AHNAK2: variants seen among roughly 807,000 people sequenced by gnomAD.
AHNAK2 encodes the protein AHNAK nucleoprotein 2.
A neutral mutation model predicts 30.7 loss-of-function variants in AHNAK2; 18 were observed. The ratio of observed to expected loss-of-function variants is 0.59; its 90% CI spans 0.41 to 0.87. AHNAK2 has a LOEUF of 0.87. Among genes scored for constraint, AHNAK2 ranks in the 40% least tolerant of loss-of-function variants. The pLI is 0.00. For synonymous variants in AHNAK2, 3,590 were observed against 3,073.8 expected, an observed-to-expected ratio of 1.17 and a Z score of -5.56; for missense variants, 8,604 against 7,373.0, an observed-to-expected ratio of 1.17 and a Z score of -6.11.
Position 104,951,746 on chromosome 14 carries a change from G to A in AHNAK2, c.3705C>T (p.His1235=), listed in dbSNP as rs370293295. ...GQVDVKLLEG[H]VPEGAGFKGH... ...CTTTGAAGCCGGCTCCCTCAGGCAC[G>A]TGGCCCTCCAGGAGCTTCACGTCCA... is the stretch of plus-strand genomic sequence containing the variant. The change falls in exon 7 of 7, where the codon CAC becomes CAT. Residue 1235 remains histidine (H), a synonymous_variant. Transcript: ENST00000333244. 182 of 1,235,202 alleles carry A rather than the reference G, an allele frequency of 1.5e-4. 39 individuals carry two copies. In the East Asian group the frequency reaches 1.5e-3, roughly 10 times the overall value. The allele number at this position is 1,235,202 out of a possible 1,614,324, so 76.5% of individuals were successfully genotyped here.
At position 104,942,082 on chromosome 14, in the gene AHNAK2, T is replaced by G. The variant is rs1898016304; in HGVS notation, c.13369A>C (p.Thr4457Pro). 4 of 1,608,406 alleles carry G rather than the reference T, an allele frequency of 2.5e-6. No homozygotes were observed. The highest frequency in any genetic ancestry group is 3.4e-6 in the Non-Finnish European group (4 of 1,177,688). Residue 4457 changes from threonine to proline, a missense_variant, in exon 7 of 7, where the codon ACT becomes CCT. Thr to Pro is a conservative substitution (Grantham distance 38, BLOSUM62 -1). Coordinates refer to ENST00000333244, the MANE Select transcript of AHNAK2 (RefSeq NM_138420.4). ...ATTTTGAACTTGCTGTCTTTGGCAG[T>G]CACGTCCTTGTCAGCCAGGGACAGG... ...GDLSLADKDVTAKDSKFKMPK... is the reference protein window; with the variant it reads ...GDLSLADKDVPAKDSKFKMPK...
At position 104,941,722 on chromosome 14, in the gene AHNAK2, C is replaced by A. The variant is rs1897994616; in HGVS notation, c.13729G>T (p.Gly4577Cys). 2 of 1,613,828 alleles carry A rather than the reference C, an allele frequency of 1.2e-6. No individual in the cohort carries two copies. The highest frequency in any genetic ancestry group is 1.7e-6 in the Non-Finnish European group (2 of 1,179,892). ...GGGGCCATCACCTCTGCCTTTGGGC[C>A]TTTCAGGTCCAGCTTGGGGCCCTTG... The part of the protein sequence containing the change: ...DVKGPKLDLK[G>C]PKAEVMAPDV... The change falls in exon 7 of 7, where the codon GGC (glycine) becomes TGC (cysteine). Residue 4577 changes from glycine to cysteine, a missense_variant. Gly to Cys is a radical substitution (Grantham distance 159, BLOSUM62 -3). Coordinates refer to ENST00000333244, the MANE Select transcript of AHNAK2 (RefSeq NM_138420.4).
chr14:104,971,327 C>A (rs946486073), intron 1 of AHNAK2, among the ~76,000 whole-genome samples: 19 of 152,122 alleles, frequency 1.2e-4, no homozygotes, highest in Non-Finnish European at 2.2e-4. Context: ...ATTGTCCAGG[C>A]TGATCTCATA....
chr14:104,950,453 T>G lies in AHNAK2; in HGVS notation c.4998A>C (p.Pro1666=), dbSNP rs143480617. 2.8e-4 allele frequency: 436 copies of G among 1,577,872 alleles called. 47 individuals are homozygous for G. The African/African-American group carries it at 4.3e-3, about 15-fold the overall frequency. ...TGCCTGGGGCCGACACCCCAAATGA[T>G]GGCATCTTGAACTTGGGCATTTTGA... The part of the protein sequence containing the change: ...SKFKMPKFKM[P]SFGVSAPGKS... The change falls in exon 7 of 7, where the codon CCA becomes CCC. Residue 1666 remains proline, a synonymous_variant. Transcript: ENST00000333244.
In AHNAK2 at chr14:104,946,891, C is replaced by G; in HGVS notation, c.8560G>C (p.Gly2854Arg). 1 of 1,612,576 alleles carries G rather than the reference C, an allele frequency of 6.2e-7. No homozygotes were observed. The highest frequency in any genetic ancestry group is 1.1e-5 in the South Asian group (1 of 91,030). The stretch of plus-strand genomic sequence containing the variant: ...CGGATGTCAGTGGTCTTAAGATCCC[C>G]TTGCATGGAGGGGAAGCTCCCGTCA... ...EADGSFPSMQ[G>R]DLKTTDIRIQ... Residue 2854 changes from glycine (G) to arginine (R), a missense_variant, in exon 7 of 7, where the codon GGG becomes CGG. By Grantham distance (125) the Gly-to-Arg change is moderately radical. Transcript: ENST00000333244.
chr14:104,942,525 C>G lies in AHNAK2; in HGVS notation c.12926G>C (p.Gly4309Ala). The part of the protein sequence containing the change: ...KMPKFKMPSF[G>A]VSAPGKSIEA... ...GATGGACTTGCCTGGGGCAGACACC[C>G]CGAACGACGGCATCTTGAACTTGGG... The change falls in exon 7 of 7, where the codon GGG becomes GCG. Residue 4309 changes from glycine (G) to alanine (A), a missense_variant. Coordinates refer to ENST00000333244, the MANE Select transcript of AHNAK2 (RefSeq NM_138420.4). The G allele has an allele frequency of 2.5e-6, 4 of 1,613,198 alleles. No homozygotes were observed. Among genetic ancestry groups the G allele is most frequent in the Non-Finnish European group, 3.4e-6 (4 of 1,179,592 alleles).
At chr14:104,968,881 G>A (rs1179524194) in intron 1 of AHNAK2, among the ~76,000 whole-genome samples, 1 of 152,180 alleles carries the variant, frequency 6.6e-6, no homozygotes, top group East Asian at 1.9e-4. Context: ...CCCATGGACA[G>A]CCCAGAGTGA....
At position 104,952,500 on chromosome 14, in the gene AHNAK2, A is replaced by G. The variant is rs764571528; in HGVS notation, c.2951T>C (p.Leu984Pro). ...AGTCACGTCCTTGTCGGCCAGGGAC[A>G]GGTCCCCCTCCAGCCACGCACCATC... ...KLDGAWLEGD[L>P]SLADKDVTAK... Residue 984 changes from leucine to proline, a missense_variant, in exon 7 of 7, where the codon CTG becomes CCG. By Grantham distance (98) the Leu-to-Pro change is moderately conservative (BLOSUM62 -3). Transcript: ENST00000333244. 7.4e-6 allele frequency: 12 copies of G among 1,612,598 alleles called. No individual in the cohort carries two copies. The highest frequency in any genetic ancestry group is 1.0e-5 in the Non-Finnish European group (12 of 1,179,636).
At position 104,942,093 on chromosome 14, in the gene AHNAK2, T is replaced by A. The variant is rs200957617; in HGVS notation, c.13358A>T (p.Asp4453Val). The A allele has an allele frequency of 2.2e-4, 358 of 1,613,022 alleles. 4 individuals carry two copies. In the African/African-American group the frequency reaches 3.4e-3, roughly 15 times the overall value. ...TRLEGDLSLA[D>V]KDVTAKDSKF... ...GCTGTCTTTGGCAGTCACGTCCTTG[T>A]CAGCCAGGGACAGGTCCCCCTCCAG... is the stretch of plus-strand genomic sequence containing the variant. The change falls in exon 7 of 7, where the codon GAC becomes GTC. Residue 4453 changes from aspartate (D) to valine (V), a missense_variant. Transcript: ENST00000333244.
chr14:104,974,446 A>G (rs949574020), intron 1 of AHNAK2, among the ~76,000 whole-genome samples: 3 of 152,102 alleles, frequency 2.0e-5, no homozygotes, highest in Admixed American at 6.5e-5. Context: ...TGGGTTGAAC[A>G]ACTTGCAGGT....
At chr14:104,967,207 C>T (rs1217210823) in intron 1 of AHNAK2, among the ~76,000 whole-genome samples, 2 of 152,230 alleles carry the variant, frequency 1.3e-5, no homozygotes, top group Non-Finnish European at 2.9e-5. Context: ...CCTCCGCAGC[C>T]TCCCCAGCCA....
rs776715599 is a variant in AHNAK2, at chr14:104,950,011, TGTC to T, written c.5437_5439del (p.Asp1813del). On this transcript the variant is annotated inframe_deletion, in exon 7 of 7. Transcript: ENST00000333244. ...TTGCTGTCTTTGGCAGTCACATCCT[TGTC>T]GGCCAGGGACAGGTCACCCTCCAGC... 10 of 1,587,092 alleles carry T rather than the reference TGTC, an allele frequency of 6.3e-6. 1 individual carries two copies. In the African/African-American group the frequency reaches 1.3e-4, roughly 20 times the overall value.
Position 104,945,402 on chromosome 14 carries a change from T to C in AHNAK2, c.10049A>G (p.Asp3350Gly), listed in dbSNP as rs1438672645. 1.9e-6 allele frequency: 3 copies of C among 1,612,522 alleles called. No homozygotes were observed. The highest frequency in any genetic ancestry group is 1.3e-5 in the African/African-American group (1 of 74,504). Residue 3350 changes from aspartate (D) to glycine (G), a missense_variant, in exon 7 of 7, where the codon GAC (aspartate) becomes GGC (glycine). Coordinates refer to ENST00000333244, the MANE Select transcript of AHNAK2 (RefSeq NM_138420.4). ...ADVSLPSMQG[D>G]LKTTDLSIQL... ...AATGCTGAGGTCAGTGGTCTTGAGGTCCCCCTGCATGGAGGGGAGGCTCAC... is the reference window on the plus strand; with the variant it reads ...AATGCTGAGGTCAGTGGTCTTGAGGCCCCCCTGCATGGAGGGGAGGCTCAC...
At position 104,946,315 on chromosome 14, in the gene AHNAK2, G is replaced by A. The variant is rs769835387; in HGVS notation, c.9136C>T (p.Leu3046Phe). Residue 3046 changes from leucine to phenylalanine, a missense_variant, in exon 7 of 7, where the codon CTC (leucine) becomes TTC (phenylalanine). Leu to Phe is a conservative substitution (Grantham distance 22, BLOSUM62 0). Coordinates refer to ENST00000333244, the MANE Select transcript of AHNAK2 (RefSeq NM_138420.4). ...CCCTCGGGAACGTGGCCCTCTGGGAGCTTCAGGTCCACCTGGCCAGCCTGG... is the reference window on the plus strand; with the variant it reads ...CCCTCGGGAACGTGGCCCTCTGGGAACTTCAGGTCCACCTGGCCAGCCTGG... ...EVQAGQVDLK[L>F]PEGHVPEGAG... 1 of 1,612,102 alleles carries A rather than the reference G, an allele frequency of 6.2e-7. No individual in the cohort carries two copies. The highest frequency in any genetic ancestry group is 1.1e-5 in the South Asian group (1 of 90,970).
Position 104,951,622 on chromosome 14 carries a change from C to A in AHNAK2, c.3829G>T (p.Gly1277Cys). The A allele has an allele frequency of 1.3e-5, 16 of 1,246,478 alleles. 7 individuals carry two copies. The highest frequency in any genetic ancestry group is 1.8e-5 in the Non-Finnish European group (16 of 880,566). The allele number at this position is 1,246,478 out of a possible 1,614,324, so 77.2% of individuals were successfully genotyped here. A position where few individuals can be genotyped will look rare whatever the true frequency, so the allele number is the denominator to read the frequency against. The change falls in exon 7 of 7, where the codon GGT (glycine) becomes TGT (cysteine). Residue 1277 changes from glycine (G) to cysteine (C), a missense_variant. Gly to Cys is a radical substitution (Grantham distance 159, BLOSUM62 -3). Transcript: ENST00000333244. ...TGGGCCGTCACCTCTGCCTTATGAC[C>A]TTTCAGGTCCAGCTTGGGGCCCCTG... ...EVRGPKLDLKGHKAEVTAHEV... is the reference protein window; with the variant it reads ...EVRGPKLDLKCHKAEVTAHEV...
In AHNAK2 at chr14:104,951,649, C is replaced by A. The variant is rs749743543; in HGVS notation, c.3802G>T (p.Val1268Phe). 2 of 1,245,630 alleles carry A rather than the reference C, an allele frequency of 1.6e-6. No individual in the cohort carries two copies. The highest frequency in any genetic ancestry group is 2.3e-5 in the East Asian group (1 of 44,372). The allele number at this position is 1,245,630 out of a possible 1,614,324, so 77.2% of individuals were successfully genotyped here. The change falls in exon 7 of 7, where the codon GTC becomes TTC. Residue 1268 changes from valine (V) to phenylalanine (F), a missense_variant. Val to Phe is a conservative substitution (Grantham distance 50). Coordinates refer to ENST00000333244, the MANE Select transcript of AHNAK2 (RefSeq NM_138420.4). ...TTCAGGTCCAGCTTGGGGCCCCTGACTTCCACCTGGGGGCCCTTGAGGTCC... is the reference window on the plus strand; with the variant it reads ...TTCAGGTCCAGCTTGGGGCCCCTGAATTCCACCTGGGGGCCCTTGAGGTCC... ...KVDLKGPQVEVRGPKLDLKGH... is the reference protein window; with the variant it reads ...KVDLKGPQVEFRGPKLDLKGH...
Position 104,942,607 on chromosome 14 carries a change from C to G in AHNAK2, c.12844G>C (p.Gly4282Arg). 1 of 1,613,138 alleles carries G rather than the reference C, an allele frequency of 6.2e-7. No homozygotes were observed. The highest frequency in any genetic ancestry group is 8.5e-7 in the Non-Finnish European group (1 of 1,179,570). ...GAKLDSVRLE[G>R]DLSLADKDMT... ...TCCTTGTCGGCTAGGGACAGGTCAC[C>G]CTCCAGCCGCACACTGTCCAGCTTG... Residue 4282 changes from glycine to arginine, a missense_variant, in exon 7 of 7, where the codon GGT becomes CGT. Coordinates refer to ENST00000333244, the MANE Select transcript of AHNAK2 (RefSeq NM_138420.4).
intron 1 of AHNAK2, among the ~76,000 whole-genome samples, chr14:104,964,850 ATT>A (rs1566925019): frequency 6.6e-6 from 1 of 152,230 alleles, no homozygotes; most frequent in African/African-American, 2.4e-5. Flanking sequence ...TCCATAAAAA[ATT>A]TTAGAATTCT....
chr14:104,963,870 T>A (rs568198453), intron 1 of AHNAK2, among the ~76,000 whole-genome samples: 9 of 147,850 alleles, frequency 6.1e-5, no homozygotes, highest in Non-Finnish European at 1.0e-4. Context: ...GAGAAAAGAA[T>A]TAAGAGCTTC....
Sources: gnomAD v4.1 joint callset for allele counts (sites outside exome capture counted in the v4.1 genomes callset) on GRCh38, gnomAD v4.1.1 for gene constraint, MANE v1.5 for transcripts, NCBI Gene and HGNC (gene_info 2026-07-23, HGNC 2026-07-21) for gene names.